FLNB: variants seen among roughly 807,000 people sequenced by gnomAD.
FLNB encodes filamin B, also known as filamin-B.
FLNB carries 111 observed loss-of-function variants against 250.6 expected under a neutral mutation model. That is an observed-to-expected ratio of 0.44 (90% CI 0.38 to 0.52). FLNB has a LOEUF of 0.52. FLNB is among the 20% of genes least tolerant of loss of function. FLNB has a pLI of 0.00. For missense variants in FLNB, 2,869 were observed against 3,447.8 expected (o/e 0.83, Z 4.20); for synonymous variants, 1,302 against 1,372.1 (o/e 0.95, Z 1.13).
At chr3:58,134,458 T>G (rs540516420) in intron 26 of FLNB, among the ~76,000 whole-genome samples, 158 bp from the exon 27 acceptor site, 1 of 152,338 alleles carries the variant, frequency 6.6e-6, no homozygotes, top group Non-Finnish European at 1.5e-5. Flanking sequence ...CTCATAGTTG[T>G]AAATTTCTGC....
intron 1 of FLNB, among the ~76,000 whole-genome samples, chr3:58,019,047 G>C (rs897795719): frequency 9.9e-5 from 15 of 152,052 alleles, no homozygotes; most frequent in African/African-American, 3.6e-4. Flanking sequence ...TGAGTTGGGA[G>C]GATAGCTTGA....
intron 16 of FLNB, among the ~76,000 whole-genome samples, chr3:58,111,168 G>T (rs1404538598): frequency 6.6e-6 from 1 of 152,190 alleles, no homozygotes; most frequent in African/African-American, 2.4e-5. Context: ...TTTATAGAGA[G>T]AGGTGATTTG....
intron 1 of FLNB, among the ~76,000 whole-genome samples, chr3:58,073,713 A>G (rs2097197896): frequency 6.6e-6 from 1 of 152,156 alleles, no homozygotes; most frequent in Non-Finnish European, 1.5e-5. Context: ...ACTACAAGGA[A>G]GGTGCCATCT....
intron 28 of FLNB, 112 bp from the exon 29 acceptor site, chr3:58,138,170 G>A (rs1358201527): frequency 7.1e-7 from 1 of 1,412,246 alleles, no homozygotes; most frequent in Non-Finnish European, 1.0e-6. Flanking sequence ...AATGGCAGCA[G>A]TTGGAGGCCT....
In FLNB at chr3:58,149,929, C is replaced by T; in HGVS notation, c.6171C>T (p.Cys2057=). 1 of 1,614,256 alleles carries T rather than the reference C, an allele frequency of 6.2e-7. No homozygotes were observed. Among genetic ancestry groups the T allele is most frequent in the Non-Finnish European group, 8.5e-7 (1 of 1,180,044 alleles). Residue 2057 remains cysteine, a synonymous_variant, in exon 37 of 46, where the codon TGC becomes TGT. Transcript: ENST00000295956. ...IQTEDLEDGT[C]KVSYFPTVPG... ...CGGAGGACCTGGAAGATGGCACCTGCAAAGTCTCCTACTTCCCTACCGTGC... is the reference window on the plus strand; with the variant it reads ...CGGAGGACCTGGAAGATGGCACCTGTAAAGTCTCCTACTTCCCTACCGTGC...
At chr3:58,159,314 C>T (rs1328095142) in intron 41 of FLNB, among the ~76,000 whole-genome samples, 1 of 152,172 alleles carries the variant, frequency 6.6e-6, no homozygotes, top group Non-Finnish European at 1.5e-5. Context: ...AGTATCCAAG[C>T]CCAGAAATCA....
At chr3:58,029,150 A>ATG (rs1220443466) in intron 1 of FLNB, among the ~76,000 whole-genome samples, 1 of 151,502 alleles carries the variant, frequency 6.6e-6, no homozygotes, top group Admixed American at 6.5e-5. Flanking sequence ...TTAACCCTTT[A>ATG]TGTAGTGGTA....
chr3:58,038,179 G>C (rs181026011), intron 1 of FLNB, among the ~76,000 whole-genome samples: 3 of 151,978 alleles, frequency 2.0e-5, no homozygotes, highest in Non-Finnish European at 2.9e-5. Flanking sequence ...ACAGGTGCCC[G>C]CCACCATGCC....
intron 25 of FLNB, 57 bp downstream of exon 25, chr3:58,130,965 G>T (rs1281726835): frequency 1.3e-6 from 2 of 1,540,250 alleles, no homozygotes; most frequent in Non-Finnish European, 1.8e-6. Flanking sequence ...AGGGGCAGCT[G>T]TAACCCAGAG....
chr3:58,163,590 C>T (rs1253152537), intron 43 of FLNB: 14 of 508,456 alleles, frequency 2.8e-5, no homozygotes, highest in Non-Finnish European at 4.6e-5. Context: ...CTTCCTCTGC[C>T]AAGTTTCTTG....
At position 58,110,274 on chromosome 3, in the gene FLNB, TA is replaced by T. The variant is rs1423408514; in HGVS notation, c.2484+105del. Reference sequence around the variant, plus strand: ...CTTTTTGGTGTTTTGTTAGTATTATTATTTTTGAGATGGAGTCTCACTCTTT... The same window carrying T: ...CTTTTTGGTGTTTTGTTAGTATTATTTTTTTGAGATGGAGTCTCACTCTTT... On this transcript the variant is annotated intron_variant, in intron 16 of 45. Coordinates refer to ENST00000295956, the MANE Select transcript of FLNB (RefSeq NM_001457.4). 10 of 1,202,424 alleles carry T rather than the reference TA, an allele frequency of 8.3e-6. No homozygotes were observed. In the Admixed American group the frequency reaches 1.3e-4, roughly 16 times the overall value. 74.5% of individuals were successfully genotyped at this position (1,202,424 alleles called of 1,614,324 possible). A position where few individuals can be genotyped will look rare whatever the true frequency, so the allele number is the denominator to read the frequency against.
chr3:58,157,540 G>A (rs1389792013), intron 41 of FLNB, among the ~76,000 whole-genome samples: 3 of 152,162 alleles, frequency 2.0e-5, no homozygotes, highest in African/African-American at 7.2e-5. Context: ...AGAATACCAA[G>A]GGTACTAACT....
chr3:58,105,724 G>A (rs373727806), intron 11 of FLNB, among the ~76,000 whole-genome samples: 4 of 152,292 alleles, frequency 2.6e-5, no homozygotes, highest in Admixed American at 2.0e-4. Context: ...TGACTCTGCC[G>A]TTGTAGCCTG....
intron 32 of FLNB, among the ~76,000 whole-genome samples, chr3:58,144,441 A>G (rs2362911): frequency 0.25 from 37,434 of 152,088 alleles, 5,375 homozygotes; most frequent in East Asian, 0.59. Context: ...ATACAGATAT[A>G]TAAGAGAGTG....
intron 45 of FLNB, among the ~76,000 whole-genome samples, chr3:58,170,187 T>C (rs1207440351): frequency 6.6e-6 from 1 of 152,198 alleles, no homozygotes; most frequent in Non-Finnish European, 1.5e-5. Context: ...TTCCTTAAGG[T>C]GCTTGTGAGA....
intron 1 of FLNB, among the ~76,000 whole-genome samples, chr3:58,064,975 T>TA (rs528821813): frequency 7.9e-5 from 12 of 152,212 alleles, no homozygotes; most frequent in African/African-American, 2.6e-4. Context: ...TGGAGGTCGA[T>TA]ACTGCAGTGA....
intron 1 of FLNB, among the ~76,000 whole-genome samples, chr3:58,070,822 G>A (rs1221847778): frequency 6.6e-6 from 1 of 151,668 alleles, no homozygotes; most frequent in East Asian, 1.9e-4. Flanking sequence ...ACCACGCCCA[G>A]CAAATTTTTA....
chr3:58,103,265 G>GGTGTGTGTGTGTGT (rs10571409), intron 9 of FLNB, among the ~76,000 whole-genome samples: 556 of 148,160 alleles, frequency 3.8e-3, no homozygotes, highest in African/African-American at 5.5e-3. Flanking sequence ...AGCCAAGGAG[G>GGTGTGTGTGTGTGT]GTGTGTGTGT....
At chr3:58,101,949 G>A (rs759062786) in intron 8 of FLNB, among the ~76,000 whole-genome samples, 6 of 152,214 alleles carry the variant, frequency 3.9e-5, no homozygotes, top group Admixed American at 1.3e-4. Flanking sequence ...GCATGGATTT[G>A]CTGTGCTCTC....
Sources: allele counts gnomAD v4.1 joint callset (sites outside exome capture counted in the v4.1 genomes callset), GRCh38; gene constraint gnomAD v4.1.1; transcripts MANE v1.5; gene names NCBI Gene and HGNC (gene_info 2026-07-23, HGNC 2026-07-21).